Variants in SPAG17 observed in about 807,000 individuals in gnomAD.
The protein encoded by SPAG17 is sperm associated antigen 17.
SPAG17 carries 169 observed loss-of-function variants against 273.6 expected under a neutral mutation model. The observed-to-expected ratio is 0.62, with a 90% CI of 0.55 to 0.70. The LOEUF (loss-of-function observed/expected upper bound fraction) is 0.70, where lower values mean the gene tolerates loss of function less well. SPAG17 is among the 30% of genes least tolerant of loss of function. SPAG17 has a pLI of 0.00. For missense variants in SPAG17, 2,557 were observed against 2,627.8 expected (o/e 0.97, Z 0.59); for synonymous variants, 825 against 873.2 (o/e 0.94, Z 0.97).
At chr1:117,992,725 T>A in intron 35 of SPAG17, 77 bp from the exon 36 acceptor site, 1 of 1,243,814 alleles carries the variant, frequency 8.0e-7, no homozygotes, top group Non-Finnish European at 1.1e-6. Flanking sequence ...TAACTGTTCA[T>A]TTATTACATA....
chr1:117,990,829 T>C (rs1393545126), intron 38 of SPAG17, 32 bp downstream of exon 38: 1 of 1,449,216 alleles, frequency 6.9e-7, no homozygotes. Flanking sequence ...AACTTGTAAA[T>C]ATACTGCAGA....
chr1:117,969,687 A>G (rs902187285), intron 46 of SPAG17, among the ~76,000 whole-genome samples: 1 of 152,246 alleles, frequency 6.6e-6, no homozygotes, highest in African/African-American at 2.4e-5. Flanking sequence ...TACGTAAAAT[A>G]TGAAGAACGG....
rs1440413435 is a variant in SPAG17 at position 118,006,740 on chromosome 1, AG to A, written c.4588-1139del. ...TGACTTATACCATCAGCAATTTCTGAGGGTTCCAATTTCTCCATACCTTTGC... is the reference window on the plus strand; with the variant it reads ...TGACTTATACCATCAGCAATTTCTGAGGTTCCAATTTCTCCATACCTTTGC... On this transcript the variant is annotated intron_variant, in intron 31 of 48. Coordinates refer to ENST00000336338, the MANE Select transcript of SPAG17 (RefSeq NM_206996.4). Among the ~76,000 whole-genome samples, 4 of 151,964 alleles carry A rather than the reference AG, an allele frequency of 2.6e-5. No homozygotes were observed. The Admixed American group carries it at 2.6e-4, about 10-fold the overall frequency.
At chr1:117,964,160 CCTAA>C (rs1653494514) in intron 47 of SPAG17, 2 of 395,338 alleles carry the variant, frequency 5.1e-6, no homozygotes, top group African/African-American at 4.0e-5. Context: ...ACATTTCTCT[CCTAA>C]CTGTGACTGG....
intron 47 of SPAG17, chr1:117,966,239 A>C: frequency 2.5e-5 from 4 of 161,312 alleles, no homozygotes; most frequent in East Asian, 1.8e-4. Context: ...ATAAGGAGGA[A>C]TGCATGCATA....
chr1:118,144,506 C>G (rs556473305), intron 3 of SPAG17, among the ~76,000 whole-genome samples: 19 of 152,334 alleles, frequency 1.2e-4, no homozygotes, highest in African/African-American at 4.6e-4. Context: ...CAACGTAGCA[C>G]TTCTTTGTTA....
At chr1:117,967,987 A>G (rs1026894634) in intron 46 of SPAG17, among the ~76,000 whole-genome samples, 8 of 152,242 alleles carry the variant, frequency 5.3e-5, no homozygotes, top group African/African-American at 1.9e-4. Flanking sequence ...ACTTGTGAGC[A>G]TATGCATACT....
intron 17 of SPAG17, among the ~76,000 whole-genome samples, chr1:118,072,679 A>G (rs1480131688): frequency 6.6e-6 from 1 of 152,224 alleles, no homozygotes; most frequent in African/African-American, 2.4e-5. Context: ...AATACCACAC[A>G]GTTCAGCTGT....
In SPAG17 at chr1:117,972,050, T is replaced by A; in HGVS notation, c.6142-3A>T. The A allele has an allele frequency of 6.3e-7, 1 of 1,596,342 alleles. No individual in the cohort carries two copies. Among genetic ancestry groups the A allele is most frequent in the Non-Finnish European group, 8.5e-7 (1 of 1,173,284 alleles). The stretch of plus-strand genomic sequence containing the variant: ...TTTCCTCCAACAGAATCTTGCACCT[T>A]TGCATTAAGAAAAAATTAATAAAAT... On this transcript the variant is annotated splice_region_variant and splice_polypyrimidine_tract_variant and intron_variant, in intron 44 of 48. Transcript: ENST00000336338.
intron 3 of SPAG17, 145 bp from the exon 4 acceptor site, chr1:118,115,586 GA>G (rs542743356): frequency 4.9e-5 from 38 of 778,220 alleles, no homozygotes; most frequent in East Asian, 1.2e-4. Flanking sequence ...AAAAGTTAGG[GA>G]AAAAAATGCC....
intron 1 of SPAG17, among the ~76,000 whole-genome samples, chr1:118,170,107 A>G (rs925822480): frequency 2.0e-5 from 3 of 152,194 alleles, no homozygotes; most frequent in African/African-American, 7.2e-5. Context: ...TCTGTAAAAC[A>G]TCTAATTCAA....
chr1:118,173,815 G>A (rs372987011), intron 1 of SPAG17, among the ~76,000 whole-genome samples: 1 of 148,444 alleles, frequency 6.7e-6, no homozygotes, highest in East Asian at 2.0e-4. Context: ...AGCCAACACT[G>A]TGCAATTGCA....
intron 1 of SPAG17, among the ~76,000 whole-genome samples, chr1:118,175,643 G>A (rs1407036143): frequency 6.7e-6 from 1 of 148,982 alleles, no homozygotes; most frequent in East Asian, 1.9e-4. Flanking sequence ...AAATACAAAG[G>A]AGAAATAAAG....
intron 45 of SPAG17, among the ~76,000 whole-genome samples, chr1:117,971,585 G>C (rs1030431302): frequency 6.6e-6 from 1 of 152,032 alleles, no homozygotes; most frequent in Admixed American, 6.6e-5. Context: ...TTTTCCACTA[G>C]TAGAAATCAG....
chr1:118,070,262 GGA>G (rs768389222), intron 17 of SPAG17, among the ~76,000 whole-genome samples: 2 of 152,134 alleles, frequency 1.3e-5, no homozygotes, highest in South Asian at 4.2e-4. Context: ...ATTAATTTTA[GGA>G]GAGACCACAG....
intron 22 of SPAG17, 83 bp downstream of exon 22, chr1:118,040,647 C>A: frequency 1.1e-6 from 1 of 903,376 alleles, no homozygotes. Flanking sequence ...TCTCGCCTAT[C>A]AAACTCAGGA....
Position 118,031,733 on chromosome 1 carries a change from A to T in SPAG17, c.3568T>A (p.Ser1190Thr). The T allele has an allele frequency of 1.2e-6, 2 of 1,613,468 alleles. No homozygotes were observed. Among genetic ancestry groups the T allele is most frequent in the East Asian group, 4.5e-5 (2 of 44,784 alleles). The stretch of plus-strand genomic sequence containing the variant: ...TTTGGGTGTTCTTCTTCTTTAAGGG[A>T]TTCTTTGGGTTTTTCTTTGCCTTTT... ...KIKGKEKPKE[S>T]LKEEEHPKEE... Residue 1190 changes from serine to threonine, a missense_variant, in exon 25 of 49, where the codon TCC becomes ACC. Ser to Thr is a moderately conservative substitution (Grantham distance 58). Transcript: ENST00000336338.
At chr1:117,976,416 C>A (rs1176770365) in intron 43 of SPAG17, among the ~76,000 whole-genome samples, 1 of 152,198 alleles carries the variant, frequency 6.6e-6, no homozygotes, top group East Asian at 1.9e-4. Context: ...TTTATTTCCC[C>A]ATTGAGGATG....
chr1:118,176,911 C>A (rs1015244057), intron 1 of SPAG17, among the ~76,000 whole-genome samples: 3 of 152,120 alleles, frequency 2.0e-5, no homozygotes, highest in Non-Finnish European at 4.4e-5. Context: ...TCAAAAACTA[C>A]ACAAACACAT....
Sources: allele counts gnomAD v4.1 joint callset (sites outside exome capture counted in the v4.1 genomes callset), GRCh38; gene constraint gnomAD v4.1.1; transcripts MANE v1.5; gene names NCBI Gene and HGNC (gene_info 2026-07-23, HGNC 2026-07-21).